LARS1: variants seen among roughly 807,000 people sequenced by gnomAD.
The protein encoded by LARS1 is leucyl-tRNA synthetase 1, also known as leucine--tRNA ligase, cytoplasmic.
Under a neutral mutation model 162.8 loss-of-function variants are expected in LARS1, and 100 were observed. The observed-to-expected ratio is 0.61, with a 90% confidence interval of 0.52 to 0.73. LARS1 has a LOEUF of 0.73. LARS1 is among the 30% of genes least tolerant of loss of function. LARS1 has a pLI of 0.00. For missense variants in LARS1, 1,258 were observed against 1,408.9 expected (o/e 0.89, Z 1.71); for synonymous variants, 457 against 462.8 (o/e 0.99, Z 0.16).
At chr5:146,121,629 T>C (rs1260699668) in intron 30 of LARS1, among the ~76,000 whole-genome samples, 6 of 152,142 alleles carry the variant, frequency 3.9e-5, no homozygotes, top group African/African-American at 1.4e-4. Flanking sequence ...ATATACAGCA[T>C]GGAATACTAT....
chr5:146,123,021 C>T (rs1466983455), intron 29 of LARS1, among the ~76,000 whole-genome samples: 3 of 151,900 alleles, frequency 2.0e-5, no homozygotes, highest in Non-Finnish European at 4.4e-5. Flanking sequence ...GGTGCGTCTG[C>T]ATGGTCCAAG....
chr5:146,147,402 T>TAA (rs773922188), intron 15 of LARS1, among the ~76,000 whole-genome samples: 15 of 139,504 alleles, frequency 1.1e-4, no homozygotes, highest in Non-Finnish European at 1.4e-4. Context: ...CCTGTCTCTT[T>TAA]AAAAAAAAAA....
At chr5:146,148,823 C>G (rs1753133513) in intron 15 of LARS1, among the ~76,000 whole-genome samples, 1 of 151,890 alleles carries the variant, frequency 6.6e-6, no homozygotes, top group African/African-American at 2.4e-5. Flanking sequence ...TGCCTGTAAT[C>G]CCAGCACTTT....
chr5:146,157,300 A>G (rs141341698), intron 10 of LARS1, 103 bp downstream of exon 10: 1 of 973,580 alleles, frequency 1.0e-6, no homozygotes, highest in East Asian at 2.4e-5. Flanking sequence ...TACTGCATGT[A>G]CACCTCATTT....
intron 4 of LARS1, among the ~76,000 whole-genome samples, chr5:146,170,786 G>C (rs1373279544): frequency 6.6e-6 from 1 of 151,272 alleles, no homozygotes; most frequent in Non-Finnish European, 1.5e-5. Flanking sequence ...CCTGAGGTCA[G>C]GAGTTTGAAA....
intron 2 of LARS1, among the ~76,000 whole-genome samples, chr5:146,175,610 CA>C (rs1754525254): frequency 6.6e-6 from 1 of 150,764 alleles, no homozygotes; most frequent in Non-Finnish European, 1.5e-5. Flanking sequence ...AAGGCCGAGG[CA>C]GGCAGATCAC....
intron 27 of LARS1, among the ~76,000 whole-genome samples, chr5:146,127,162 T>A (rs1752083025): frequency 6.6e-6 from 1 of 152,096 alleles, no homozygotes; most frequent in South Asian, 2.1e-4. Context: ...GGGCAACTTG[T>A]TTTCTCTTTA....
At chr5:146,175,448 C>G (rs1426617043) in intron 2 of LARS1, among the ~76,000 whole-genome samples, 2 of 148,164 alleles carry the variant, frequency 1.3e-5, no homozygotes, top group Admixed American at 6.9e-5. Flanking sequence ...GAGGCTGAGG[C>G]AGAAAAATCA....
intron 15 of LARS1, 38 bp from the exon 16 acceptor site, chr5:146,144,747 T>C (rs539434772): frequency 6.6e-7 from 1 of 1,517,026 alleles, no homozygotes; most frequent in South Asian, 1.1e-5. Flanking sequence ...AGATACTATG[T>C]CAAATCAATC....
chr5:146,180,404 C>T (rs1754784624), intron 1 of LARS1, among the ~76,000 whole-genome samples: 1 of 151,886 alleles, frequency 6.6e-6, no homozygotes, highest in South Asian at 2.1e-4. Flanking sequence ...CATGGTGGCG[C>T]ACACCTGTAG....
At position 146,128,789 on chromosome 5, in the gene LARS1, G is replaced by A. The variant is rs199817784; in HGVS notation, c.2770-7C>T. On this transcript the variant is annotated splice_region_variant and splice_polypyrimidine_tract_variant and intron_variant, in intron 26 of 31. Transcript: ENST00000394434. ...GGGGTTGTTTGTCAGTCTTCTAGAC[G>A]GTAAAAGAAAGGAAAAACATTCAAT... The A allele has an allele frequency of 9.2e-5, 146 of 1,592,284 alleles. 1 individual carries two copies. The East Asian group carries it at 1.7e-3, about 19-fold the overall frequency.
intron 28 of LARS1, among the ~76,000 whole-genome samples, chr5:146,124,591 T>C (rs1751968413): frequency 6.6e-6 from 1 of 151,940 alleles, no homozygotes; most frequent in African/African-American, 2.4e-5. Flanking sequence ...AAAAAACTCA[T>C]ACTACATGAG....
rs1288824847 is a variant in LARS1, at chr5:146,153,220, C to T, written c.1238G>A (p.Arg413Gln). ...LRDLKKKQAL[R>Q]AKYGIRDDMV... ...GTCATCTCTAATTCCATATTTTGCT[C>T]GTAAGGCCTACAGAAAAATTTGCAA... is the stretch of plus-strand genomic sequence containing the variant. Residue 413 changes from arginine (R) to glutamine (Q), a missense_variant, in exon 13 of 32, where the codon CGA (arginine) becomes CAA (glutamine). Transcript: ENST00000394434. The T allele has an allele frequency of 1.9e-6, 3 of 1,612,496 alleles. No individual in the cohort carries two copies. Among genetic ancestry groups the T allele is most frequent in the African/African-American group, 1.3e-5 (1 of 74,978 alleles).
chr5:146,115,049 A>AGG, intron 31 of LARS1, among the ~76,000 whole-genome samples: 1 of 147,972 alleles, frequency 6.8e-6, no homozygotes, highest in Non-Finnish European at 1.5e-5. Flanking sequence ...TCGGGGGGAA[A>AGG]AAAAAAAAAA....
At chr5:146,173,807 G>A (rs966822904) in intron 2 of LARS1, among the ~76,000 whole-genome samples, 2 of 151,724 alleles carry the variant, frequency 1.3e-5, no homozygotes, top group African/African-American at 4.8e-5. Flanking sequence ...TGCTTTTACC[G>A]TTCCCTTGTT....
At position 146,128,760 on chromosome 5, in the gene LARS1, T is replaced by G; in HGVS notation, c.2792A>C (p.Gln931Pro). The change falls in exon 27 of 32, where the codon CAG becomes CCG. Residue 931 changes from glutamine to proline, a missense_variant. By Grantham distance (76) the Gln-to-Pro change is moderately conservative. Coordinates refer to ENST00000394434, the MANE Select transcript of LARS1 (RefSeq NM_020117.11). Reference sequence around the variant, plus strand: ...ATAGATGGTGCAATGTGAGGGCTTCTGCAGGGGTTGTTTGTCAGTCTTCTA... The same window carrying G: ...ATAGATGGTGCAATGTGAGGGCTTCGGCAGGGGTTGTTTGTCAGTCTTCTA... ...KGKKTDKQPL[Q>P]KPSHCTIYVA... is the part of the protein sequence containing the mutation. The G allele has an allele frequency of 1.2e-6, 2 of 1,603,660 alleles. No homozygotes were observed. Among genetic ancestry groups the G allele is most frequent in the Non-Finnish European group, 1.7e-6 (2 of 1,177,358 alleles).
Position 146,120,358 on chromosome 5 carries a change from G to T in LARS1, c.3325+13C>A. 1 of 1,612,370 alleles carries T rather than the reference G, an allele frequency of 6.2e-7. No homozygotes were observed. Among genetic ancestry groups the T allele is most frequent in the South Asian group, 1.1e-5 (1 of 90,928 alleles). On this transcript the variant is annotated intron_variant, in intron 31 of 31. Transcript: ENST00000394434. ...AAGCTACTGACAAATGGGAGTTTTG[G>T]GGAACAACTTACCTTTAATTCCTCG...
chr5:146,128,648 G>T lies in LARS1; in HGVS notation c.2880+24C>A, dbSNP rs778506601. 2.0e-6 allele frequency: 3 copies of T among 1,468,416 alleles called. No individual in the cohort carries two copies. The South Asian group carries it at 4.0e-5, about 19-fold the overall frequency. The allele number at this position is 1,468,416 out of a possible 1,614,324, so 91.0% of individuals were successfully genotyped here. A position where few individuals can be genotyped will look rare whatever the true frequency, so the allele number is the denominator to read the frequency against. ...AGGGAGCATACAACACCATCAGGGG[G>T]GAAAAGTCTACTGAGAGCATCACCT... On this transcript the variant is annotated intron_variant, in intron 27 of 31. Coordinates refer to ENST00000394434, the MANE Select transcript of LARS1 (RefSeq NM_020117.11).
intron 21 of LARS1, among the ~76,000 whole-genome samples, chr5:146,136,807 T>C (rs2126451016): frequency 1.3e-5 from 2 of 152,290 alleles, no homozygotes; most frequent in South Asian, 4.1e-4. Context: ...GAACATCTTT[T>C]ATTACCTTTC....
Sources: gnomAD v4.1 joint callset for allele counts (sites outside exome capture counted in the v4.1 genomes callset) on GRCh38, gnomAD v4.1.1 for gene constraint, MANE v1.5 for transcripts, NCBI Gene and HGNC (gene_info 2026-07-23, HGNC 2026-07-21) for gene names.